The following DOCK4 variants were observed in gnomAD, a reference collection of about 807,000 sequenced individuals.
The protein encoded by DOCK4 is dedicator of cytokinesis 4, also known as dedicator of cytokinesis protein 4.
Under a neutral mutation model 268.1 loss-of-function variants are expected in DOCK4, and 97 were observed. That is an observed-to-expected ratio of 0.36 (90% CI 0.31 to 0.43). The LOEUF (loss-of-function observed/expected upper bound fraction) is 0.43, where lower values mean the gene tolerates loss of function less well. DOCK4 is among the 20% of genes least tolerant of loss of function. DOCK4 has a pLI of 1.00. For missense variants in DOCK4, 2,145 were observed against 2,455.7 expected, an observed-to-expected ratio of 0.87 and a Z score of 2.67; for synonymous variants, 954 against 887.2, an observed-to-expected ratio of 1.08 and a Z score of -1.34.
At chr7:111,954,209 G>A (rs976948584) in intron 8 of DOCK4, among the ~76,000 whole-genome samples, 9 of 152,012 alleles carry the variant, frequency 5.9e-5, no homozygotes, top group Admixed American at 6.6e-5. Context: ...CTGTGGTCTC[G>A]CCTAGAATAA....
chr7:111,980,408 A>G (rs537632731), intron 7 of DOCK4, among the ~76,000 whole-genome samples: 2 of 152,244 alleles, frequency 1.3e-5, no homozygotes, highest in Non-Finnish European at 2.9e-5. Context: ...ATTTGTGGCT[A>G]CAAATGCACC....
chr7:112,145,248 A>G (rs144342235), intron 1 of DOCK4, among the ~76,000 whole-genome samples: 119 of 152,312 alleles, frequency 7.8e-4, no homozygotes, highest in African/African-American at 2.2e-3. Flanking sequence ...TTTTATAGGC[A>G]TAAGTGTTCA....
At chr7:111,899,762 A>G (rs867281269) in intron 15 of DOCK4, among the ~76,000 whole-genome samples, 1 of 152,258 alleles carries the variant, frequency 6.6e-6, no homozygotes, top group Non-Finnish European at 1.5e-5. Flanking sequence ...GCCTGTAATA[A>G]AAATACAAAA....
rs534550062 is a variant in DOCK4 at position 111,838,843 on chromosome 7, C to T, written c.2737-4157G>A. Reference sequence around the variant, plus strand: ...ATGTCAAAACTAAAATTGTACATTTCAAACAGGTGTCATTTATTTTATGTC... The same window carrying T: ...ATGTCAAAACTAAAATTGTACATTTTAAACAGGTGTCATTTATTTTATGTC... On this transcript the variant is annotated intron_variant, in intron 25 of 52. Transcript: ENST00000428084. Among the ~76,000 whole-genome samples the T allele has an allele frequency of 1.2e-4, 19 of 152,214 alleles. 1 individual carries two copies. In the South Asian group the frequency reaches 2.7e-3, roughly 22 times the overall value.
chr7:112,184,787 TC>T (rs34085798), intron 1 of DOCK4, among the ~76,000 whole-genome samples: 28,341 of 146,330 alleles, frequency 0.19, 3,316 homozygotes, highest in African/African-American at 0.35. Context: ...ACCCCTACAA[TC>T]CCCCCCCCTT....
rs1812004939 is a variant in DOCK4 at position 112,115,061 on chromosome 7, C to T, written c.37+91041G>A. 1.3e-5 allele frequency among the ~76,000 whole-genome samples: 2 copies of T among 152,100 alleles called. 1 individual carries two copies. The highest frequency in any genetic ancestry group is 2.9e-5 in the Non-Finnish European group (2 of 68,020). ...CAGACATTTTTATTTCTGGCTTACCCTAATATCTAGTCAAGCAGAATTTGG... is the reference window on the plus strand; with the variant it reads ...CAGACATTTTTATTTCTGGCTTACCTTAATATCTAGTCAAGCAGAATTTGG... On this transcript the variant is annotated intron_variant, in intron 1 of 52. Coordinates refer to ENST00000428084, the MANE Select transcript of DOCK4 (RefSeq NM_001363540.2).
chr7:112,004,953 T>C (rs1321381817), intron 1 of DOCK4, among the ~76,000 whole-genome samples: 1 of 152,172 alleles, frequency 6.6e-6, no homozygotes, highest in Non-Finnish European at 1.5e-5. Context: ...CCAGGAATTA[T>C]AGAGAGAATA....
intron 35 of DOCK4, among the ~76,000 whole-genome samples, chr7:111,780,113 T>C (rs1798701074): frequency 2.0e-5 from 3 of 152,154 alleles, no homozygotes; most frequent in African/African-American, 7.2e-5. Context: ...ATCTAGCAAA[T>C]GTGGCTGTTG....
At chr7:112,005,387 C>T (rs1393316572) in intron 1 of DOCK4, among the ~76,000 whole-genome samples, 1 of 152,082 alleles carries the variant, frequency 6.6e-6, no homozygotes, top group African/African-American at 2.4e-5. Flanking sequence ...AAAACACAAG[C>T]CAAAGTCCAT....
intron 8 of DOCK4, among the ~76,000 whole-genome samples, chr7:111,961,752 C>A (rs1796915736): frequency 6.6e-6 from 1 of 152,096 alleles, no homozygotes; most frequent in African/African-American, 2.4e-5. Flanking sequence ...TAAGTTTTGT[C>A]AAGTACATTA....
At chr7:112,123,036 C>T (rs73436627) in intron 1 of DOCK4, among the ~76,000 whole-genome samples, 7,111 of 152,242 alleles carry the variant, frequency 0.047, 564 homozygotes, top group African/African-American at 0.16. Flanking sequence ...GGGAGAACCA[C>T]AAAACCCCAA....
chr7:111,851,533 T>C (rs1804555770), intron 23 of DOCK4, among the ~76,000 whole-genome samples: 1 of 151,028 alleles, frequency 6.6e-6, no homozygotes, highest in South Asian at 2.1e-4. Flanking sequence ...CTTAAACAGG[T>C]ACAAAACCTC....
In DOCK4 at chr7:112,172,835, T is replaced by C. The variant is rs550499272; in HGVS notation, c.37+33267A>G. On this transcript the variant is annotated intron_variant, in intron 1 of 52. Transcript: ENST00000428084. ...CATTTTGATATTTTTTCTTTAAACT[T>C]TTTGTTATTTCCAAATTTTCAACCA... is the stretch of plus-strand genomic sequence containing the variant. Among the ~76,000 whole-genome samples the C allele has an allele frequency of 3.9e-5, 6 of 152,242 alleles. No individual in the cohort carries two copies. The South Asian group carries it at 1.2e-3, about 32-fold the overall frequency.
chr7:111,781,427 A>G (rs1798776544), intron 35 of DOCK4, among the ~76,000 whole-genome samples: 3 of 152,184 alleles, frequency 2.0e-5, no homozygotes, highest in Non-Finnish European at 4.4e-5. Flanking sequence ...AATTTAAGAG[A>G]GGGAATGACT....
In DOCK4 at chr7:111,921,934, C is replaced by T. The variant is rs534909938; in HGVS notation, c.1067-6030G>A. On this transcript the variant is annotated intron_variant, in intron 12 of 52. Coordinates refer to ENST00000428084, the MANE Select transcript of DOCK4 (RefSeq NM_001363540.2). ...GTGCCCACTTACCACCAGATAAATC[C>T]AAATATTGTGATTAGGTTCTATAAA... Among the ~76,000 whole-genome samples the T allele has an allele frequency of 2.0e-5, 3 of 152,182 alleles. No homozygotes were observed. The South Asian group carries it at 6.2e-4, about 32-fold the overall frequency.
At chr7:112,124,829 A>G (rs1439206253) in intron 1 of DOCK4, among the ~76,000 whole-genome samples, 1 of 152,212 alleles carries the variant, frequency 6.6e-6, no homozygotes, top group Admixed American at 6.5e-5. Context: ...CATTTCATAT[A>G]TAATTCGTTT....
At chr7:111,753,385 G>C (rs754722515) in intron 42 of DOCK4, among the ~76,000 whole-genome samples, 1 of 152,080 alleles carries the variant, frequency 6.6e-6, no homozygotes, top group African/African-American at 2.4e-5. Context: ...TGAGGTGGGA[G>C]GATCACTTGA....
intron 4 of DOCK4, among the ~76,000 whole-genome samples, chr7:111,996,987 G>A (rs1027938503): frequency 6.6e-6 from 1 of 152,168 alleles, no homozygotes; most frequent in African/African-American, 2.4e-5. Context: ...TCAGGGTTGG[G>A]CTTGGGACAA....
intron 52 of DOCK4, among the ~76,000 whole-genome samples, chr7:111,731,183 C>T (rs182170966): frequency 9.2e-5 from 14 of 152,282 alleles, no homozygotes; most frequent in South Asian, 2.1e-4. Flanking sequence ...TGCACTTACC[C>T]GCGAATTTCT....
Sources: gnomAD v4.1 joint callset for allele counts (sites outside exome capture counted in the v4.1 genomes callset) on GRCh38, gnomAD v4.1.1 for gene constraint, MANE v1.5 for transcripts, NCBI Gene and HGNC (gene_info 2026-07-23, HGNC 2026-07-21) for gene names.